The following ATR variants were observed in gnomAD, a reference collection of about 807,000 sequenced individuals.
ATR encodes the protein serine/threonine-protein kinase ATR.
In ATR, 142 loss-of-function variants were observed where a neutral mutation model predicts 305.3. That is an observed-to-expected ratio of 0.47 (90% CI 0.41 to 0.53). The LOEUF is 0.53. ATR is among the 20% of genes least tolerant of loss of function. The pLI, the probability that ATR is intolerant of heterozygous loss-of-function variation, is 0.00. For missense variants in ATR, 2,135 were observed against 3,133.1 expected (o/e 0.68, Z 7.60); for synonymous variants, 1,050 against 1,068.1 (o/e 0.98, Z 0.33).
At chr3:142,526,271 C>T (rs142679216) in intron 21 of ATR, among the ~76,000 whole-genome samples, 25 of 152,000 alleles carry the variant, frequency 1.6e-4, no homozygotes, top group African/African-American at 4.8e-4. Context: ...CTATAATTTC[C>T]GAAGTATATT....
At chr3:142,537,425 T>C (rs2033899990) in intron 19 of ATR, among the ~76,000 whole-genome samples, 1 of 152,040 alleles carries the variant, frequency 6.6e-6, no homozygotes, top group Non-Finnish European at 1.5e-5. Flanking sequence ...GAAATGACAC[T>C]TCTGCAATAA....
chr3:142,522,091 C>T (rs1379633524), intron 23 of ATR, among the ~76,000 whole-genome samples: 1 of 152,140 alleles, frequency 6.6e-6, no homozygotes, highest in Admixed American at 6.5e-5. Flanking sequence ...GCAACCACCA[C>T]GGTAATTAAT....
chr3:142,497,362 A>T (rs564275174), intron 32 of ATR, among the ~76,000 whole-genome samples, 170 bp from the exon 33 acceptor site: 2 of 152,240 alleles, frequency 1.3e-5, no homozygotes, highest in South Asian at 4.1e-4. Context: ...TATCTTTTCA[A>T]ACTGAATGTA....
chr3:142,527,858 T>G (rs1318454169), intron 21 of ATR, among the ~76,000 whole-genome samples: 1 of 152,192 alleles, frequency 6.6e-6, no homozygotes, highest in East Asian at 1.9e-4. Flanking sequence ...AAAAGGAATC[T>G]GTACCCATCA....
At chr3:142,571,614 G>C (rs1381277595) in intron 1 of ATR, among the ~76,000 whole-genome samples, 1 of 152,120 alleles carries the variant, frequency 6.6e-6, no homozygotes, top group African/African-American at 2.4e-5. Context: ...CATCACTTCT[G>C]ACAAAACAAC....
chr3:142,515,605 C>T, intron 24 of ATR, 90 bp from the exon 25 acceptor site: 3 of 1,359,552 alleles, frequency 2.2e-6, no homozygotes, highest in Non-Finnish European at 2.0e-6. Context: ...TTGACTACCT[C>T]AGTACTGCCT....
At chr3:142,479,377 G>C (rs1465809244) in intron 36 of ATR, among the ~76,000 whole-genome samples, 1 of 152,078 alleles carries the variant, frequency 6.6e-6, no homozygotes, top group Non-Finnish European at 1.5e-5. Context: ...GAAATTCTGG[G>C]TTGAAAATTC....
chr3:142,470,514 A>T (rs1245931136), intron 36 of ATR, among the ~76,000 whole-genome samples: 1 of 152,108 alleles, frequency 6.6e-6, no homozygotes, highest in Non-Finnish European at 1.5e-5. Context: ...TTCTTTGGCC[A>T]TAAGCCTAGG....
intron 36 of ATR, among the ~76,000 whole-genome samples, chr3:142,474,560 AC>A (rs1330226475): frequency 6.6e-6 from 1 of 152,168 alleles, no homozygotes; most frequent in Admixed American, 6.5e-5. Flanking sequence ...AATGCTACTT[AC>A]TTTTGTATGT....
intron 21 of ATR, among the ~76,000 whole-genome samples, chr3:142,533,019 C>A (rs961440934): frequency 1.3e-5 from 2 of 152,014 alleles, no homozygotes; most frequent in Non-Finnish European, 1.5e-5. Flanking sequence ...TTAAATTAGG[C>A]CAGGTAGAGT....
chr3:142,475,181 T>C (rs534109815), intron 36 of ATR, among the ~76,000 whole-genome samples: 69 of 152,294 alleles, frequency 4.5e-4, no homozygotes, highest in African/African-American at 1.5e-3. Context: ...ATGTGCCATG[T>C]TGGTGTGCTG....
chr3:142,459,439 A>G lies in ATR; in HGVS notation c.7193-56T>C. Reference sequence around the variant, plus strand: ...ATCAGCCAAATGAAAAAAGGGGCAAAGTTTTTTTTGTTAAAATTGGACAAG... The same window carrying G: ...ATCAGCCAAATGAAAAAAGGGGCAAGGTTTTTTTTGTTAAAATTGGACAAG... On this transcript the variant is annotated intron_variant, in intron 42 of 46. Transcript: ENST00000350721. The G allele has an allele frequency of 1.9e-6, 3 of 1,597,812 alleles. No homozygotes were observed. In the Admixed American group the frequency reaches 5.1e-5, roughly 27 times the overall value.
rs1251161025 is a variant in ATR at position 142,538,600 on chromosome 3, G to T, written c.3607C>A (p.Leu1203Met). 1.2e-6 allele frequency: 2 copies of T among 1,613,406 alleles called. No homozygotes were observed. The highest frequency in any genetic ancestry group is 1.7e-5 in the Admixed American group (1 of 59,934). ...CRAWDCFVRCLDHACLGSLLS... is the reference protein window; with the variant it reads ...CRAWDCFVRCMDHACLGSLLS... ...AGGGAGCCCAGACAAGCATGATCCAGGCAGCGAACAAAGCAGTCCCAAGCT... is the reference window on the plus strand; with the variant it reads ...AGGGAGCCCAGACAAGCATGATCCATGCAGCGAACAAAGCAGTCCCAAGCT... The change falls in exon 19 of 47, where the codon CTG (leucine) becomes ATG (methionine). Residue 1203 changes from leucine to methionine, a missense_variant. Transcript: ENST00000350721.
chr3:142,462,315 T>C (rs183941031), intron 41 of ATR, among the ~76,000 whole-genome samples: 151 of 152,322 alleles, frequency 9.9e-4, no homozygotes, highest in Non-Finnish European at 1.7e-3. Context: ...TAGGTCCTTC[T>C]TTTTAATTAT....
rs2108427506 is a variant in ATR at position 142,536,138 on chromosome 3, CT to C, written c.3788del (p.Lys1263ArgfsTer2). 6.3e-7 allele frequency: 1 copy of C among 1,591,358 alleles called. No individual in the cohort carries two copies. Among genetic ancestry groups the C allele is most frequent in the Non-Finnish European group, 8.6e-7 (1 of 1,159,690 alleles). On this transcript the variant is annotated frameshift_variant, in exon 20 of 47. Coordinates refer to ENST00000350721, the MANE Select transcript of ATR (RefSeq NM_001184.4). LOFTEE classifies it high-confidence loss of function. ...TGTATTCCTGGAGAACGGCTTTTAT[CT>C]TTTTTAATTCTGGATGATCAGGTAA... Reference protein sequence around the residue: ...YFLPDHPELKKIKAVLQEYRK... With the variant: ...YFLPDHPELKXIKAVLQEYRK...
intron 21 of ATR, among the ~76,000 whole-genome samples, chr3:142,531,028 G>T (rs1041712578): frequency 6.6e-6 from 1 of 152,054 alleles, no homozygotes; most frequent in African/African-American, 2.4e-5. Context: ...ACCATACAAG[G>T]TTAAGATATG....
At chr3:142,507,641 C>T (rs928019249) in intron 28 of ATR, among the ~76,000 whole-genome samples, 2 of 152,154 alleles carry the variant, frequency 1.3e-5, no homozygotes, top group Non-Finnish European at 2.9e-5. Context: ...GTCTTGCCTC[C>T]CTATACTGCT....
chr3:142,450,392 T>C (rs2070762730), intron 46 of ATR: 2 of 1,548,092 alleles, frequency 1.3e-6, no homozygotes. Context: ...TTTATCAAAA[T>C]GGGGCTGCTG....
At chr3:142,524,613 T>G (rs1249059741) in intron 21 of ATR, among the ~76,000 whole-genome samples, 1 of 152,124 alleles carries the variant, frequency 6.6e-6, no homozygotes, top group Non-Finnish European at 1.5e-5. Context: ...AGAGTAACTT[T>G]TAAAGGACAG....
Sources: allele counts gnomAD v4.1 joint callset (sites outside exome capture counted in the v4.1 genomes callset), GRCh38; gene constraint gnomAD v4.1.1; transcripts MANE v1.5; gene names NCBI Gene and HGNC (gene_info 2026-07-23, HGNC 2026-07-21).